The following GRK3 variants were observed in gnomAD, a reference collection of about 807,000 sequenced individuals.
The protein encoded by GRK3 is adrenergic, beta, receptor kinase 2.
A neutral mutation model predicts 95.7 loss-of-function variants in GRK3; 54 were observed. The observed-to-expected ratio is 0.56, with a 90% CI of 0.45 to 0.71. The LOEUF (loss-of-function observed/expected upper bound fraction) is 0.71, where lower values mean the gene tolerates loss of function less well. Among genes scored for constraint, GRK3 ranks in the 30% least tolerant of loss-of-function variants. The pLI is 0.00. For synonymous variants in GRK3, 281 were observed against 290.8 expected (o/e 0.97, Z 0.34); for missense variants, 649 against 851.2 (o/e 0.76, Z 2.96).
chr22:25,653,803 C>G (rs1193080430), intron 3 of GRK3, among the ~76,000 whole-genome samples: 1 of 152,210 alleles, frequency 6.6e-6, no homozygotes, highest in Non-Finnish European at 1.5e-5. Flanking sequence ...ATTCTCCTGC[C>G]TCAGCCTCCC....
chr22:25,623,749 C>T (rs2084605534), intron 2 of GRK3, among the ~76,000 whole-genome samples: 4 of 152,172 alleles, frequency 2.6e-5, no homozygotes, highest in African/African-American at 9.7e-5. Context: ...AGCTCTGAAG[C>T]CTCGCTGATG....
intron 2 of GRK3, among the ~76,000 whole-genome samples, chr22:25,628,615 T>C (rs1359052871): frequency 1.3e-5 from 2 of 152,120 alleles, no homozygotes; most frequent in African/African-American, 4.8e-5. Flanking sequence ...CAGTGGAAAA[T>C]TAGAGTTCAT....
chr22:25,716,781 C>T (rs2085389376), intron 18 of GRK3, among the ~76,000 whole-genome samples: 1 of 152,214 alleles, frequency 6.6e-6, no homozygotes, highest in South Asian at 2.1e-4. Flanking sequence ...TTCCCAACCC[C>T]CAGTGGGGAG....
chr22:25,628,267 C>T (rs2084641314), intron 2 of GRK3, among the ~76,000 whole-genome samples: 1 of 152,150 alleles, frequency 6.6e-6, no homozygotes, highest in Admixed American at 6.5e-5. Context: ...AAAATAGATA[C>T]TACTCCAGCA....
chr22:25,592,273 C>T (rs919214210), intron 1 of GRK3, among the ~76,000 whole-genome samples: 2 of 150,898 alleles, frequency 1.3e-5, no homozygotes, highest in African/African-American at 5.0e-5. Flanking sequence ...ATTTGCCACC[C>T]ACATATCTTC....
chr22:25,623,204 A>T lies in GRK3; in HGVS notation c.190+18751A>T, dbSNP rs114416218. Among the ~76,000 whole-genome samples the T allele has an allele frequency of 2.8e-3, 423 of 152,298 alleles. 2 individuals carry two copies. The highest frequency in any genetic ancestry group is 9.7e-3 in the African/African-American group (405 of 41,574). ...GCAATCTGCCTGCCTCAGCCTCCCA[A>T]AGGGCTGGATTATGGGTGTGAGCCA... On this transcript the variant is annotated intron_variant, in intron 2 of 20. Coordinates refer to ENST00000324198, the MANE Select transcript of GRK3 (RefSeq NM_005160.4).
At chr22:25,701,866 A>C (rs1281617164) in intron 13 of GRK3, among the ~76,000 whole-genome samples, 3 of 152,250 alleles carry the variant, frequency 2.0e-5, no homozygotes, top group Non-Finnish European at 2.9e-5. Context: ...TTTCTCTGCA[A>C]CCTCAAACAT....
intron 8 of GRK3, among the ~76,000 whole-genome samples, chr22:25,676,619 A>G (rs2085031601): frequency 6.6e-6 from 1 of 150,928 alleles, no homozygotes; most frequent in Non-Finnish European, 1.5e-5. Flanking sequence ...TGAACCCGGG[A>G]GGTGGAAGTT....
chr22:25,715,601 A>G (rs2085377824), intron 18 of GRK3, among the ~76,000 whole-genome samples: 1 of 152,266 alleles, frequency 6.6e-6, no homozygotes, highest in African/African-American at 2.4e-5. Context: ...GTTTTAAATA[A>G]ATCAGTCATT....
chr22:25,626,601 T>G (rs1160537524), intron 2 of GRK3, among the ~76,000 whole-genome samples: 1 of 152,260 alleles, frequency 6.6e-6, no homozygotes, highest in African/African-American at 2.4e-5. Context: ...CCTCTGTTAT[T>G]TAATTGACAA....
chr22:25,684,495 A>C (rs1253296413), intron 9 of GRK3: 1 of 152,218 alleles, frequency 6.6e-6, no homozygotes, highest in African/African-American at 2.4e-5. Context: ...TCAAAAGCTA[A>C]TTTAATTCCA....
chr22:25,625,843 G>A (rs1015511722), intron 2 of GRK3, among the ~76,000 whole-genome samples: 3 of 151,978 alleles, frequency 2.0e-5, no homozygotes, highest in Non-Finnish European at 2.9e-5. Context: ...TCTCTGCCTC[G>A]GCTGCCAGGC....
intron 2 of GRK3, among the ~76,000 whole-genome samples, chr22:25,619,133 C>A (rs755270568): frequency 6.6e-6 from 1 of 152,058 alleles, no homozygotes; most frequent in Non-Finnish European, 1.5e-5. Flanking sequence ...AGACATATAG[C>A]GCCTTTGTTA....
intron 6 of GRK3, among the ~76,000 whole-genome samples, chr22:25,670,592 T>A (rs1242416304): frequency 6.6e-6 from 1 of 152,054 alleles, no homozygotes; most frequent in Non-Finnish European, 1.5e-5. Context: ...AGTATGATGC[T>A]AATATTACCT....
intron 9 of GRK3, among the ~76,000 whole-genome samples, 199 bp downstream of exon 9, chr22:25,679,114 G>A (rs769607201): frequency 7.2e-5 from 11 of 152,148 alleles, no homozygotes; most frequent in African/African-American, 2.2e-4. Flanking sequence ...TGGCTTCTCC[G>A]TTTAGTGCCT....
intron 3 of GRK3, chr22:25,648,094 C>T (rs113289890): frequency 0.023 from 13,079 of 560,954 alleles, 217 homozygotes; most frequent in East Asian, 0.04. Flanking sequence ...CCAGCCTCGG[C>T]GACAAGAGCA....
intron 6 of GRK3, among the ~76,000 whole-genome samples, chr22:25,669,461 C>G (rs112213550): frequency 6.6e-6 from 1 of 152,186 alleles, no homozygotes; most frequent in African/African-American, 2.4e-5. Flanking sequence ...GTTAAAAACA[C>G]TTCTCCTACT....
intron 9 of GRK3, chr22:25,684,371 T>G (rs1197682045): frequency 1.3e-5 from 2 of 152,260 alleles, no homozygotes; most frequent in African/African-American, 2.4e-5. Flanking sequence ...GAATCCAACT[T>G]GTCAATTTTC....
Position 25,718,369 on chromosome 22 carries a change from G to GGGTAATAGACTTGAAT in GRK3, c.1781_1782insTAATAGACTTGAATGG (p.Glu595AsnfsTer26). 1 of 1,614,136 alleles carries GGGTAATAGACTTGAAT rather than the reference G, an allele frequency of 6.2e-7. No homozygotes were observed. The highest frequency in any genetic ancestry group is 8.5e-7 in the Non-Finnish European group (1 of 1,179,992). On this transcript the variant is annotated frameshift_variant, in exon 19 of 21. Transcript: ENST00000324198. LOFTEE classifies it high-confidence loss of function. ...CAAATAGACTTGAATGGAGAGGAGA[G>GGGTAATAGACTTGAAT]GGAGAGTCCCGGGTAAGTCTAAGGC...
Sources: gnomAD v4.1 joint callset for allele counts (sites outside exome capture counted in the v4.1 genomes callset) on GRCh38, gnomAD v4.1.1 for gene constraint, MANE v1.5 for transcripts, NCBI Gene and HGNC (gene_info 2026-07-23, HGNC 2026-07-21) for gene names.